Variants in NPAS2 observed in about 807,000 individuals in gnomAD.
NPAS2 encodes neuronal PAS domain-containing protein 2.
In NPAS2, 23 loss-of-function variants were observed where a neutral mutation model predicts 107.5. The ratio of observed to expected loss-of-function variants is 0.21; its 90% CI spans 0.15 to 0.30. NPAS2 has a LOEUF of 0.30. NPAS2 is among the 10% of genes least tolerant of loss of function. The probability of loss-of-function intolerance (pLI) is 1.00; values close to 1 mark genes in which losing one functional copy is unlikely to be tolerated. For synonymous variants in NPAS2, 403 were observed against 417.5 expected, an observed-to-expected ratio of 0.97 and a Z score of 0.42; for missense variants, 756 against 1,043.3, an observed-to-expected ratio of 0.72 and a Z score of 3.79.
chr2:100,904,889 C>A, intron 2 of NPAS2, 103 bp downstream of exon 2: 2 of 783,774 alleles, frequency 2.6e-6, no homozygotes. Flanking sequence ...AGGCCACCAG[C>A]AAGATAGGCA....
chr2:100,937,664 A>G, intron 4 of NPAS2, 89 bp from the exon 5 acceptor site: 1 of 902,956 alleles, frequency 1.1e-6, no homozygotes, highest in Non-Finnish European at 1.9e-6. Context: ...AAACAAAGCC[A>G]GTGTCCTAAA....
intron 1 of NPAS2, among the ~76,000 whole-genome samples, chr2:100,848,730 C>T (rs1030107259): frequency 1.3e-5 from 2 of 152,314 alleles, no homozygotes; most frequent in East Asian, 1.9e-4. Context: ...TGCTAGTCAA[C>T]GAATACATAG....
chr2:100,960,141 A>T (rs570268368), intron 7 of NPAS2, among the ~76,000 whole-genome samples: 4 of 151,812 alleles, frequency 2.6e-5, no homozygotes, highest in African/African-American at 9.7e-5. Context: ...AGTCCCAGGG[A>T]CTCTCCTGGT....
In NPAS2 at chr2:100,841,364, C is replaced by T. The variant is rs528122742; in HGVS notation, c.-23+20950C>T. 1.2e-4 allele frequency among the ~76,000 whole-genome samples: 18 copies of T among 152,262 alleles called. No individual in the cohort carries two copies. The South Asian group carries it at 3.3e-3, about 28-fold the overall frequency. ...GAGGCAGGAGAATTGCTTGATGAAC[C>T]CGGGGGGTGGAGGTTGCAGTGAGCC... is the stretch of plus-strand genomic sequence containing the variant. On this transcript the variant is annotated intron_variant, in intron 1 of 20. Transcript: ENST00000335681.
chr2:100,973,491 CTG>C (rs1443903377), intron 12 of NPAS2, among the ~76,000 whole-genome samples: 2 of 152,216 alleles, frequency 1.3e-5, no homozygotes, highest in Non-Finnish European at 2.9e-5. Context: ...CAAAGGCAAA[CTG>C]TAACCAAGCA....
At chr2:100,896,585 C>T (rs1472828669) in intron 1 of NPAS2, among the ~76,000 whole-genome samples, 6 of 152,248 alleles carry the variant, frequency 3.9e-5, no homozygotes, top group African/African-American at 9.6e-5. Flanking sequence ...TCCTGAAGAG[C>T]CCTGGCTGCC....
rs966199581 is a variant in NPAS2, at chr2:100,898,375, T to C, written c.-22-6358T>C. Among the ~76,000 whole-genome samples the C allele has an allele frequency of 2.0e-5, 3 of 152,292 alleles. No homozygotes were observed. In the East Asian group the frequency reaches 5.8e-4, roughly 29 times the overall value. On this transcript the variant is annotated intron_variant, in intron 1 of 20. Coordinates refer to ENST00000335681, the MANE Select transcript of NPAS2 (RefSeq NM_002518.4). ...GCTGCATCAGGCATTTCTATAGAAA[T>C]TGACAAGCTAATTCTAAAATTTATG...
intron 11 of NPAS2, among the ~76,000 whole-genome samples, chr2:100,970,215 C>T (rs997349982): frequency 1.3e-5 from 2 of 152,194 alleles, no homozygotes; most frequent in Non-Finnish European, 2.9e-5. Flanking sequence ...CCCCTACCCC[C>T]AGGGAAGGCT....
chr2:100,879,567 C>T lies in NPAS2; in HGVS notation c.-22-25166C>T, dbSNP rs550391519. ...TCTCTTATCTCTGTTTTTTTAATTC[C>T]GCATGTAAGTGAGATCATGCAGTAT... On this transcript the variant is annotated intron_variant, in intron 1 of 20. Coordinates refer to ENST00000335681, the MANE Select transcript of NPAS2 (RefSeq NM_002518.4). Among the ~76,000 whole-genome samples, 16 of 151,934 alleles carry T rather than the reference C, an allele frequency of 1.1e-4. No homozygotes were observed. In the East Asian group the frequency reaches 2.5e-3, roughly 24 times the overall value.
At chr2:100,874,132 A>G (rs1201441504) in intron 1 of NPAS2, among the ~76,000 whole-genome samples, 1 of 151,930 alleles carries the variant, frequency 6.6e-6, no homozygotes, top group East Asian at 1.9e-4. Flanking sequence ...CTACAGGTGC[A>G]TGCCACCACA....
Position 100,948,285 on chromosome 2 carries a change from T to C in NPAS2, c.414T>C (p.His138=), listed in dbSNP as rs1180801341. ...NLLNFLPEQE[H]SEVYKILSSH... ...TAAATTTCCTCCCAGAACAAGAACA[T>C]TCAGAAGTTTATAAAATCCTTTCTT... Residue 138 remains histidine, a synonymous_variant, in exon 6 of 21, where the codon CAT becomes CAC. Coordinates refer to ENST00000335681, the MANE Select transcript of NPAS2 (RefSeq NM_002518.4). 1 of 1,613,482 alleles carries C rather than the reference T, an allele frequency of 6.2e-7. No homozygotes were observed.
At position 100,907,522 on chromosome 2, in the gene NPAS2, A is replaced by AC. The variant is rs1553453465; in HGVS notation, c.32+2740dup. The stretch of plus-strand genomic sequence containing the variant: ...CACACACACACACACACACACACAC[A>AC]CCCCTAAGATCGTATTCTTTTCAAA... On this transcript the variant is annotated intron_variant, in intron 2 of 20. Transcript: ENST00000335681. Among the ~76,000 whole-genome samples, 3 of 149,558 alleles carry AC rather than the reference A, an allele frequency of 2.0e-5. No individual in the cohort carries two copies. The East Asian group carries it at 5.8e-4, about 29-fold the overall frequency.
chr2:100,925,327 A>G (rs1014836023), intron 3 of NPAS2, 33 bp downstream of exon 3: 2 of 1,606,940 alleles, frequency 1.2e-6, no homozygotes, highest in Non-Finnish European at 1.7e-6. Flanking sequence ...TTTTTTTTCC[A>G]CCCTGCCCCG....
chr2:100,943,744 CTG>C (rs1558896075), intron 5 of NPAS2, among the ~76,000 whole-genome samples: 1 of 152,186 alleles, frequency 6.6e-6, no homozygotes, highest in African/African-American at 2.4e-5. Flanking sequence ...TGAGCAGAAA[CTG>C]TACCTGTCCC....
At chr2:100,846,037 A>G (rs1025413901) in intron 1 of NPAS2, among the ~76,000 whole-genome samples, 5 of 152,224 alleles carry the variant, frequency 3.3e-5, no homozygotes, top group Admixed American at 2.0e-4. Context: ...TGTCAGGCCC[A>G]AGGTGAATGG....
intron 1 of NPAS2, among the ~76,000 whole-genome samples, chr2:100,869,482 C>T (rs1384879107): frequency 6.6e-6 from 1 of 152,176 alleles, no homozygotes; most frequent in Admixed American, 6.5e-5. Flanking sequence ...AGGCTGTCAA[C>T]CTGAAACCAC....
chr2:100,950,523 T>A (rs921276268), intron 7 of NPAS2, among the ~76,000 whole-genome samples: 6 of 152,360 alleles, frequency 3.9e-5, no homozygotes, highest in Admixed American at 3.3e-4. Flanking sequence ...GCCAAAGTAA[T>A]GGCACCAAGT....
At chr2:100,837,318 G>GT (rs1482334559) in intron 1 of NPAS2, among the ~76,000 whole-genome samples, 7 of 152,024 alleles carry the variant, frequency 4.6e-5, no homozygotes, top group African/African-American at 1.7e-4. Context: ...TATTTATTTT[G>GT]TTTTTTTGAG....
chr2:100,960,856 C>T (rs867426461), intron 7 of NPAS2, among the ~76,000 whole-genome samples: 6 of 152,170 alleles, frequency 3.9e-5, no homozygotes, highest in Admixed American at 1.3e-4. Context: ...ATGGGAGAGT[C>T]ATCTGATAAA....
Sources: allele counts gnomAD v4.1 joint callset (sites outside exome capture counted in the v4.1 genomes callset), GRCh38; gene constraint gnomAD v4.1.1; transcripts MANE v1.5; gene names NCBI Gene and HGNC (gene_info 2026-07-23, HGNC 2026-07-21).